The following SPHKAP variants were observed in gnomAD, a reference collection of about 807,000 sequenced individuals.
SPHKAP encodes the protein SPHK1 interactor, AKAP domain containing.
Under a neutral mutation model 137.5 loss-of-function variants are expected in SPHKAP, and 67 were observed. That is an observed-to-expected ratio of 0.49 (90% CI 0.40 to 0.60). The LOEUF is 0.60. Ranked by LOEUF, SPHKAP falls within the 20% of genes least tolerant of loss-of-function variation. The pLI is 0.00. For missense variants in SPHKAP, 2,097 were observed against 2,069.3 expected, an observed-to-expected ratio of 1.01 and a Z score of -0.26; for synonymous variants, 813 against 785.3, an observed-to-expected ratio of 1.04 and a Z score of -0.59.
intron 7 of SPHKAP, 34 bp downstream of exon 7, chr2:228,016,372 A>G (rs765327470): frequency 1.3e-6 from 2 of 1,527,986 alleles, no homozygotes; most frequent in Non-Finnish European, 1.8e-6. Flanking sequence ...CTCCAGTCAC[A>G]TGCACCCTAT....
chr2:228,064,643 C>G (rs1242551395), intron 3 of SPHKAP, among the ~76,000 whole-genome samples: 1 of 151,988 alleles, frequency 6.6e-6, no homozygotes, highest in East Asian at 1.9e-4. Context: ...GATATAGATG[C>G]TAATTAAAGC....
intron 1 of SPHKAP, among the ~76,000 whole-genome samples, chr2:228,152,868 C>G (rs1256622641): frequency 6.6e-6 from 1 of 152,140 alleles, no homozygotes; most frequent in Non-Finnish European, 1.5e-5. Flanking sequence ...GCTGTGTCCC[C>G]ACCCAAATCT....
intron 3 of SPHKAP, among the ~76,000 whole-genome samples, chr2:228,084,414 A>G (rs1697474494): frequency 6.6e-6 from 1 of 152,182 alleles, no homozygotes; most frequent in South Asian, 2.1e-4. Flanking sequence ...TTTTCCTATA[A>G]TTATTAACAA....
rs570055073 is a variant in SPHKAP, at chr2:228,070,454, G to A, written c.246+38378C>T. Among the ~76,000 whole-genome samples, 3 of 152,110 alleles carry A rather than the reference G, an allele frequency of 2.0e-5. No individual in the cohort carries two copies. In the East Asian group the frequency reaches 5.8e-4, roughly 30 times the overall value. On this transcript the variant is annotated intron_variant, in intron 3 of 11. Transcript: ENST00000392056. ...CTGACCTATTCACTTTTTCATTTCT[G>A]TAAAAATGTTTTGAAATGATACCAA...
chr2:227,991,727 A>T (rs1469619050), intron 9 of SPHKAP: 2 of 960,538 alleles, frequency 2.1e-6, no homozygotes, highest in Non-Finnish European at 2.5e-6. Context: ...TTAATGAATC[A>T]TATGTTCCCA....
At chr2:227,993,925 G>T in intron 8 of SPHKAP, 1 of 469,468 alleles carries the variant, frequency 2.1e-6, no homozygotes, top group Non-Finnish European at 2.8e-6. Context: ...GTAACAATCA[G>T]TCTGCCTCTT....
intron 3 of SPHKAP, among the ~76,000 whole-genome samples, chr2:228,061,488 T>C (rs1275844454): frequency 6.6e-6 from 1 of 152,028 alleles, no homozygotes. Context: ...ACTGGGCTGG[T>C]CTTGAACTCC....
intron 3 of SPHKAP, among the ~76,000 whole-genome samples, chr2:228,073,701 T>C (rs1022798376): frequency 6.6e-6 from 1 of 152,222 alleles, no homozygotes; most frequent in Admixed American, 6.5e-5. Flanking sequence ...AAGCAGAATG[T>C]TCTGGTGAAC....
At chr2:228,001,856 G>A (rs1693919570) in intron 7 of SPHKAP, among the ~76,000 whole-genome samples, 1 of 152,060 alleles carries the variant, frequency 6.6e-6, no homozygotes, top group African/African-American at 2.4e-5. Flanking sequence ...TGCTGAGAAT[G>A]ATGGTTTCCA....
At chr2:228,074,127 G>T (rs548198021) in intron 3 of SPHKAP, among the ~76,000 whole-genome samples, 1 of 152,290 alleles carries the variant, frequency 6.6e-6, no homozygotes, top group South Asian at 2.1e-4. Context: ...GTAATTGTCT[G>T]CATTAAGGCA....
At chr2:227,994,112 T>C (rs1693531717) in intron 8 of SPHKAP, 8 of 982,754 alleles carry the variant, frequency 8.1e-6, no homozygotes, top group African/African-American at 5.2e-5. Context: ...CTCAGGGACA[T>C]TCCATAGGAT....
Position 228,032,111 on chromosome 2 carries a change from G to A in SPHKAP, c.247-4568C>T, listed in dbSNP as rs1044218145. Reference sequence around the variant, plus strand: ...ACTACAGGAGGAAATTCAAACCAATGGCAAAGAAGTTAAAAACTTTGAAAA... The same window carrying A: ...ACTACAGGAGGAAATTCAAACCAATAGCAAAGAAGTTAAAAACTTTGAAAA... On this transcript the variant is annotated intron_variant, in intron 3 of 11. Transcript: ENST00000392056. Among the ~76,000 whole-genome samples, 4 of 152,022 alleles carry A rather than the reference G, an allele frequency of 2.6e-5. No homozygotes were observed. In the South Asian group the frequency reaches 8.3e-4, roughly 32 times the overall value.
At chr2:228,010,368 A>G (rs1694321406) in intron 7 of SPHKAP, among the ~76,000 whole-genome samples, 1 of 152,140 alleles carries the variant, frequency 6.6e-6, no homozygotes. Context: ...CTCTACTAAA[A>G]ATACGAAAGA....
chr2:228,049,700 C>T (rs1696185843), intron 3 of SPHKAP, among the ~76,000 whole-genome samples: 1 of 152,146 alleles, frequency 6.6e-6, no homozygotes, highest in Non-Finnish European at 1.5e-5. Context: ...TTTTTATGTC[C>T]ATATGTACCC....
chr2:228,144,112 A>G (rs1012617063), intron 1 of SPHKAP, among the ~76,000 whole-genome samples: 1 of 152,010 alleles, frequency 6.6e-6, no homozygotes, highest in Non-Finnish European at 1.5e-5. Flanking sequence ...GACTTTCTCA[A>G]ATGTCACCTT....
At chr2:228,051,917 C>G (rs534375968) in intron 3 of SPHKAP, among the ~76,000 whole-genome samples, 1 of 152,170 alleles carries the variant, frequency 6.6e-6, no homozygotes, top group Non-Finnish European at 1.5e-5. Flanking sequence ...GAGAGTTCAG[C>G]CTTCATGACC....
chr2:228,024,954 C>T (rs1003679538), intron 5 of SPHKAP, among the ~76,000 whole-genome samples: 1 of 152,110 alleles, frequency 6.6e-6, no homozygotes, highest in Non-Finnish European at 1.5e-5. Context: ...ATCCTTGAAG[C>T]TGCCATCCTG....
chr2:228,035,000 T>G (rs1385801150), intron 3 of SPHKAP, among the ~76,000 whole-genome samples: 1 of 150,622 alleles, frequency 6.6e-6, no homozygotes, highest in African/African-American at 2.5e-5. Context: ...TCACCACTCC[T>G]ATTCAACATA....
At chr2:227,987,156 A>G (rs1225477355) in intron 11 of SPHKAP, among the ~76,000 whole-genome samples, 1 of 152,214 alleles carries the variant, frequency 6.6e-6, no homozygotes, top group Non-Finnish European at 1.5e-5. Flanking sequence ...TTAAAAATGC[A>G]TATTTCTAGG....
Sources: allele counts gnomAD v4.1 joint callset (sites outside exome capture counted in the v4.1 genomes callset), GRCh38; gene constraint gnomAD v4.1.1; transcripts MANE v1.5; gene names NCBI Gene and HGNC (gene_info 2026-07-23, HGNC 2026-07-21).